The following CREBRF variants were observed in gnomAD, a reference collection of about 807,000 sequenced individuals.
CREBRF encodes the protein CREB3 regulatory factor.
A neutral mutation model predicts 66.1 loss-of-function variants in CREBRF; 5 were observed. The ratio of observed to expected loss-of-function variants is 0.08; its 90% CI spans 0.04 to 0.16. The LOEUF (loss-of-function observed/expected upper bound fraction) is 0.16. CREBRF is among the 10% of genes least tolerant of loss of function. The probability of loss-of-function intolerance (pLI) is 1.00; values close to 1 mark genes in which losing one functional copy is unlikely to be tolerated. For synonymous variants in CREBRF, 229 were observed against 264.4 expected, an observed-to-expected ratio of 0.87 and a Z score of 1.30; for missense variants, 531 against 744.9, an observed-to-expected ratio of 0.71 and a Z score of 3.34.
intron 2 of CREBRF, among the ~76,000 whole-genome samples, chr5:173,083,645 GCA>G (rs977355650): frequency 1.2e-4 from 19 of 152,314 alleles, no homozygotes; most frequent in African/African-American, 4.6e-4. Context: ...GGACTCAGCA[GCA>G]CAGAGTGAGA....
At chr5:173,067,850 A>G (rs915960521) in intron 1 of CREBRF, among the ~76,000 whole-genome samples, 15 of 152,090 alleles carry the variant, frequency 9.9e-5, no homozygotes, top group Non-Finnish European at 2.1e-4. Flanking sequence ...AATACAAAAA[A>G]TAAGCCGGGT....
At position 173,136,056 on chromosome 5, in the gene CREBRF, G is replaced by C. The variant is rs1759582688; in HGVS notation, c.*2311G>C. 6.6e-6 allele frequency: 1 copy of C among 152,450 alleles called. No individual in the cohort carries two copies. The highest frequency in any genetic ancestry group is 1.5e-5 in the Non-Finnish European group (1 of 67,932). 9.4% of individuals were successfully genotyped at this position (152,450 alleles called of 1,614,324 possible). On this transcript the variant is annotated 3_prime_UTR_variant, in exon 9 of 9. Coordinates refer to ENST00000296953, the MANE Select transcript of CREBRF (RefSeq NM_153607.3). ...CTTGACAGAGTGTGTCTGGTAAATTGAAAAGTGTTTCAAACTATGGCAGTT... is the reference window on the plus strand; with the variant it reads ...CTTGACAGAGTGTGTCTGGTAAATTCAAAAGTGTTTCAAACTATGGCAGTT...
chr5:173,102,051 T>G (rs1296799027), intron 4 of CREBRF, among the ~76,000 whole-genome samples: 1 of 152,206 alleles, frequency 6.6e-6, no homozygotes, highest in Non-Finnish European at 1.5e-5. Context: ...GCTTCTTTCT[T>G]CTGTTTGATC....
chr5:173,073,503 T>C (rs1015296263), intron 1 of CREBRF, among the ~76,000 whole-genome samples: 1 of 152,206 alleles, frequency 6.6e-6, no homozygotes, highest in East Asian at 1.9e-4. Context: ...TAGAAATGCA[T>C]TCTCTGGTTC....
At chr5:173,075,606 G>A (rs1249217121) in intron 1 of CREBRF, among the ~76,000 whole-genome samples, 1 of 152,154 alleles carries the variant, frequency 6.6e-6, no homozygotes, top group Non-Finnish European at 1.5e-5. Context: ...TTGCTAAAGA[G>A]CTTGGGCCAT....
intron 3 of CREBRF, among the ~76,000 whole-genome samples, chr5:173,088,255 CTTTTTTTTTTTTTTTTTT>C (rs536962764): frequency 1.5e-5 from 1 of 66,826 alleles, no homozygotes; most frequent in Non-Finnish European, 2.6e-5. Flanking sequence ...CAAATACATT[CTTTTTTTTTTTTTTTTTT>C]TTTTTTTTTT....
At chr5:173,059,411 C>CCCA (rs762870130) in intron 1 of CREBRF, among the ~76,000 whole-genome samples, 44 of 151,312 alleles carry the variant, frequency 2.9e-4, no homozygotes, top group Non-Finnish European at 5.0e-4. Context: ...ATTACAGGCG[C>CCCA]CCACCACCAC....
intron 8 of CREBRF, among the ~76,000 whole-genome samples, chr5:173,129,075 C>T (rs1379106012): frequency 1.0e-4 from 14 of 138,444 alleles, no homozygotes; most frequent in South Asian, 2.4e-4. Context: ...CCACCGTGCC[C>T]GGCCTCTGAA....
At chr5:173,085,403 C>G (rs1758114833) in intron 2 of CREBRF, 2 of 966,282 alleles carry the variant, frequency 2.1e-6, no homozygotes, top group Non-Finnish European at 3.2e-6. Context: ...ATTGTATCGT[C>G]AAATACATTC....
chr5:173,106,563 T>C (rs972456516), intron 4 of CREBRF, among the ~76,000 whole-genome samples: 1 of 152,152 alleles, frequency 6.6e-6, no homozygotes, highest in Non-Finnish European at 1.5e-5. Flanking sequence ...TGCTCAGAAA[T>C]CATTCTGCTT....
rs1759583545 is a variant in CREBRF, at chr5:173,136,092, G to T, written c.*2347G>T. On this transcript the variant is annotated 3_prime_UTR_variant, in exon 9 of 9. Transcript: ENST00000296953. The stretch of plus-strand genomic sequence containing the variant: ...CAAACTATGGCAGTTTTGCAATCAG[G>T]TGAAAATCACCTCATGATATTCAGC... 6.6e-6 allele frequency: 1 copy of T among 152,412 alleles called. No homozygotes were observed. Among genetic ancestry groups the T allele is most frequent in the African/African-American group, 2.4e-5 (1 of 41,406 alleles). 9.4% of individuals were successfully genotyped at this position (152,412 alleles called of 1,614,324 possible). A position where few individuals can be genotyped will look rare whatever the true frequency, so the allele number is the denominator to read the frequency against.
At chr5:173,065,540 C>G (rs747886522) in intron 1 of CREBRF, among the ~76,000 whole-genome samples, 1 of 152,120 alleles carries the variant, frequency 6.6e-6, no homozygotes, top group Non-Finnish European at 1.5e-5. Context: ...TGTGTTGGTA[C>G]TAAAGTACCT....
chr5:173,081,848 A>C (rs1757953328), intron 2 of CREBRF, among the ~76,000 whole-genome samples: 1 of 151,756 alleles, frequency 6.6e-6, no homozygotes, highest in African/African-American at 2.4e-5. Flanking sequence ...TGAACCTGGG[A>C]GTGCAAAGAT....
At chr5:173,077,783 C>T (rs550106064) in intron 1 of CREBRF, among the ~76,000 whole-genome samples, 1 of 152,306 alleles carries the variant, frequency 6.6e-6, no homozygotes, top group African/African-American at 2.4e-5. Context: ...ATTTTACTCT[C>T]TTTCTCTGTT....
At chr5:173,076,908 C>T (rs988441935) in intron 1 of CREBRF, among the ~76,000 whole-genome samples, 5 of 151,334 alleles carry the variant, frequency 3.3e-5, no homozygotes, top group Non-Finnish European at 7.4e-5. Context: ...TCAAAGTAGA[C>T]CATAGTATAT....
At chr5:173,131,337 T>C (rs1015688574) in intron 8 of CREBRF, among the ~76,000 whole-genome samples, 17 of 152,226 alleles carry the variant, frequency 1.1e-4, no homozygotes, top group Admixed American at 9.2e-4. Flanking sequence ...AACATTGATA[T>C]AATATCTAAT....
chr5:173,076,045 A>T (rs1281854871), intron 1 of CREBRF, among the ~76,000 whole-genome samples: 1 of 127,074 alleles, frequency 7.9e-6, no homozygotes, highest in East Asian at 2.3e-4. Context: ...ACATAATAAG[A>T]CCCCATCTCT....
intron 4 of CREBRF, among the ~76,000 whole-genome samples, chr5:173,106,217 C>T (rs1164171968): frequency 1.3e-5 from 2 of 151,572 alleles, no homozygotes; most frequent in Non-Finnish European, 2.9e-5. Context: ...ATCATGAGGT[C>T]AGGAGATCGA....
At chr5:173,128,687 G>C (rs924773618) in intron 8 of CREBRF, among the ~76,000 whole-genome samples, 5 of 151,188 alleles carry the variant, frequency 3.3e-5, no homozygotes, top group Admixed American at 2.0e-4. Flanking sequence ...ATATTTGTTT[G>C]GTATTGTTTC....
Sources: gnomAD v4.1 joint callset for allele counts (sites outside exome capture counted in the v4.1 genomes callset) on GRCh38, gnomAD v4.1.1 for gene constraint, MANE v1.5 for transcripts, NCBI Gene and HGNC (gene_info 2026-07-23, HGNC 2026-07-21) for gene names.